CBLB: variants seen among roughly 807,000 people sequenced by gnomAD.
CBLB encodes Cbl proto-oncogene B.
Under a neutral mutation model 104.9 loss-of-function variants are expected in CBLB, and 31 were observed. That is an observed-to-expected ratio of 0.30 (90% CI 0.22 to 0.40). CBLB has a LOEUF of 0.40. Among genes scored for constraint, CBLB ranks in the 10% least tolerant of loss-of-function variants. The pLI is 1.00. For missense variants in CBLB, 1,062 were observed against 1,214.6 expected (o/e 0.87, Z 1.87); for synonymous variants, 440 against 422.6 (o/e 1.04, Z -0.51).
chr3:105,709,790 G>T (rs7653876), intron 10 of CBLB, among the ~76,000 whole-genome samples: 1 of 151,788 alleles, frequency 6.6e-6, no homozygotes, highest in African/African-American at 2.4e-5. Context: ...TAACCGTGTC[G>T]AATTTATGAA....
intron 3 of CBLB, among the ~76,000 whole-genome samples, chr3:105,814,282 A>C (rs1014301019): frequency 6.6e-6 from 1 of 152,148 alleles, no homozygotes; most frequent in Non-Finnish European, 1.5e-5. Context: ...ACAACATAGA[A>C]CCCAGATAAG....
intron 3 of CBLB, among the ~76,000 whole-genome samples, chr3:105,828,341 G>A (rs1577584103): frequency 6.6e-6 from 1 of 152,226 alleles, no homozygotes; most frequent in African/African-American, 2.4e-5. Context: ...TATAATGATA[G>A]GAAAGGGACA....
intron 2 of CBLB, among the ~76,000 whole-genome samples, chr3:105,857,926 A>G (rs1467421446): frequency 6.6e-6 from 1 of 152,224 alleles, no homozygotes; most frequent in Non-Finnish European, 1.5e-5. Context: ...TCATCTCCAC[A>G]TAAGAGTGTC....
intron 4 of CBLB, among the ~76,000 whole-genome samples, chr3:105,755,765 T>G (rs1218137776): frequency 6.6e-6 from 1 of 152,148 alleles, no homozygotes; most frequent in African/African-American, 2.4e-5. Flanking sequence ...CTTCTAGGGA[T>G]TTCACCTAAG....
At chr3:105,705,259 T>A (rs997952248) in intron 10 of CBLB, among the ~76,000 whole-genome samples, 2 of 152,242 alleles carry the variant, frequency 1.3e-5, no homozygotes, top group African/African-American at 4.8e-5. Context: ...TCATTTAGTC[T>A]GTCTTTAACT....
In CBLB at chr3:105,816,116, T is replaced by C. The variant is rs377120443; in HGVS notation, c.419+37298A>G. ...ATATCTAATGTAGATGATGGGTTGA[T>C]GGGTGCAGTTAACCATCATGGCACA... On this transcript the variant is annotated intron_variant, in intron 3 of 18. Coordinates refer to ENST00000394030, the MANE Select transcript of CBLB (RefSeq NM_170662.5). Among the ~76,000 whole-genome samples the C allele has an allele frequency of 1.1e-4, 16 of 152,200 alleles. 1 individual carries two copies. In the East Asian group the frequency reaches 2.3e-3, roughly 22 times the overall value.
At chr3:105,845,467 T>G (rs2090124419) in intron 3 of CBLB, among the ~76,000 whole-genome samples, 2 of 151,754 alleles carry the variant, frequency 1.3e-5, no homozygotes, top group African/African-American at 4.8e-5. Flanking sequence ...TTTAAAAAGC[T>G]AATGGTGGAA....
intron 1 of CBLB, chr3:105,868,255 G>C: frequency 8.1e-7 from 1 of 1,230,548 alleles, no homozygotes; most frequent in Non-Finnish European, 1.0e-6. Context: ...AGAGAAAAGA[G>C]AAAAATGACA....
chr3:105,868,752 T>C lies in CBLB; in HGVS notation c.-31A>G. Reference sequence around the variant, plus strand: ...CCTTCTTGCCTTTCGGCGCCGTAGCTGTCCAGAGACACGCGTGTGCGCGGG... The same window carrying C: ...CCTTCTTGCCTTTCGGCGCCGTAGCCGTCCAGAGACACGCGTGTGCGCGGG... On this transcript the variant is annotated 5_prime_UTR_variant, in exon 1 of 19. Transcript: ENST00000394030. 1.0e-6 allele frequency: 1 copy of C among 988,742 alleles called. No individual in the cohort carries two copies. The highest frequency in any genetic ancestry group is 1.2e-6 in the Non-Finnish European group (1 of 831,800). The allele number at this position is 988,742 out of a possible 1,614,324, so 61.2% of individuals were successfully genotyped here. A position where few individuals can be genotyped will look rare whatever the true frequency, so the allele number is the denominator to read the frequency against.
At chr3:105,837,718 T>C (rs2088783869) in intron 3 of CBLB, among the ~76,000 whole-genome samples, 1 of 152,192 alleles carries the variant, frequency 6.6e-6, no homozygotes. Context: ...CTTTGAAATA[T>C]ATTTATAATT....
chr3:105,662,236 T>C (rs897878896), intron 18 of CBLB, among the ~76,000 whole-genome samples: 1 of 152,180 alleles, frequency 6.6e-6, no homozygotes, highest in Non-Finnish European at 1.5e-5. Flanking sequence ...TACCTAAAAG[T>C]GGATTACACC....
At chr3:105,796,879 C>T (rs1204907386) in intron 3 of CBLB, among the ~76,000 whole-genome samples, 1 of 152,124 alleles carries the variant, frequency 6.6e-6, no homozygotes, top group Non-Finnish European at 1.5e-5. Context: ...CAATGGGAAC[C>T]ATCTCACAGC....
intron 3 of CBLB, among the ~76,000 whole-genome samples, chr3:105,797,508 G>A (rs78055346): frequency 0.074 from 11,197 of 152,090 alleles, 573 homozygotes; most frequent in East Asian, 0.29. Context: ...CTTATTACCT[G>A]GGTGATGAAA....
At chr3:105,838,832 G>T (rs2089064086) in intron 3 of CBLB, among the ~76,000 whole-genome samples, 1 of 152,022 alleles carries the variant, frequency 6.6e-6, no homozygotes, top group Non-Finnish European at 1.5e-5. Context: ...TAGAGACAGG[G>T]TTTCACCATG....
chr3:105,810,070 C>T (rs1302006472), intron 3 of CBLB, among the ~76,000 whole-genome samples: 1 of 152,142 alleles, frequency 6.6e-6, no homozygotes, highest in Non-Finnish European at 1.5e-5. Context: ...TAAACTAACA[C>T]TTCCACCAAA....
chr3:105,823,016 G>T (rs896716597), intron 3 of CBLB, among the ~76,000 whole-genome samples: 3 of 152,078 alleles, frequency 2.0e-5, no homozygotes, highest in African/African-American at 7.2e-5. Flanking sequence ...TATAGAATCC[G>T]TTCAATGCCC....
chr3:105,671,201 C>T lies in CBLB; in HGVS notation c.2570-849G>A, dbSNP rs1576200198. 2.0e-4 allele frequency: 40 copies of T among 199,038 alleles called. No individual in the cohort carries two copies. The East Asian group carries it at 3.1e-3, about 15-fold the overall frequency. The allele number at this position is 199,038 out of a possible 1,614,324, so 12.3% of individuals were successfully genotyped here. A position where few individuals can be genotyped will look rare whatever the true frequency, so the allele number is the denominator to read the frequency against. Reference sequence around the variant, plus strand: ...GTTTAAATTCTTAGAGAATTGATTCCCTTTTTGAGTAGACAAACATTACAT... The same window carrying T: ...GTTTAAATTCTTAGAGAATTGATTCTCTTTTTGAGTAGACAAACATTACAT... On this transcript the variant is annotated intron_variant, in intron 17 of 18. Transcript: ENST00000394030.
At chr3:105,727,621 C>T (rs973687275) in intron 9 of CBLB, among the ~76,000 whole-genome samples, 1 of 152,094 alleles carries the variant, frequency 6.6e-6, no homozygotes, top group African/African-American at 2.4e-5. Context: ...TTTGCCCATG[C>T]CTATGTACTG....
intron 3 of CBLB, among the ~76,000 whole-genome samples, chr3:105,841,971 G>A (rs1034214667): frequency 6.6e-6 from 1 of 151,414 alleles, no homozygotes; most frequent in Admixed American, 6.6e-5. Flanking sequence ...AGGAACATTT[G>A]TGTATCAAAC....
Sources: gnomAD v4.1 joint callset for allele counts (sites outside exome capture counted in the v4.1 genomes callset) on GRCh38, gnomAD v4.1.1 for gene constraint, MANE v1.5 for transcripts, NCBI Gene and HGNC (gene_info 2026-07-23, HGNC 2026-07-21) for gene names.